The following ZRANB3 variants were observed in gnomAD, a reference collection of about 807,000 sequenced individuals.
The protein encoded by ZRANB3 is DNA annealing helicase and endonuclease ZRANB3.
Under a neutral mutation model 133.8 loss-of-function variants are expected in ZRANB3, and 125 were observed. That is an observed-to-expected ratio of 0.93 (90% confidence interval 0.81 to 1.08). The LOEUF (loss-of-function observed/expected upper bound fraction) is 1.08. Among genes scored for constraint, ZRANB3 ranks in the 50% least tolerant of loss-of-function variants. ZRANB3 has a pLI of 0.00. For missense variants in ZRANB3, 1,229 were observed against 1,275.5 expected, an observed-to-expected ratio of 0.96 and a Z score of 0.56; for synonymous variants, 387 against 432.7, an observed-to-expected ratio of 0.89 and a Z score of 1.31.
At chr2:135,285,597 G>A (rs1021055035) in intron 8 of ZRANB3, among the ~76,000 whole-genome samples, 4 of 152,230 alleles carry the variant, frequency 2.6e-5, no homozygotes, top group Non-Finnish European at 4.4e-5. Flanking sequence ...TGTGCATAAG[G>A]AAAACGTGTT....
intron 1 of ZRANB3, among the ~76,000 whole-genome samples, chr2:135,527,864 A>G (rs1694225511): frequency 6.6e-6 from 1 of 152,264 alleles, no homozygotes; most frequent in Admixed American, 6.5e-5. Flanking sequence ...ATAGAATTGC[A>G]GATGACCTTT....
At chr2:135,482,380 T>G (rs1045469865) in intron 2 of ZRANB3, among the ~76,000 whole-genome samples, 1 of 146,056 alleles carries the variant, frequency 6.8e-6, no homozygotes, top group African/African-American at 2.7e-5. Context: ...TTGAAGCAAT[T>G]GTGAATGGGA....
rs755631064 is a variant in ZRANB3 at position 135,271,733 on chromosome 2, A to G, written c.1206+35T>C. ...TGGCCTTTTTTCTTATTTCAATGACATTTCATAACCAAATTTAGACTTGAA... is the reference window on the plus strand; with the variant it reads ...TGGCCTTTTTTCTTATTTCAATGACGTTTCATAACCAAATTTAGACTTGAA... On this transcript the variant is annotated intron_variant, in intron 10 of 20. Transcript: ENST00000264159. The G allele has an allele frequency of 2.3e-5, 36 of 1,583,652 alleles. No homozygotes were observed. In the South Asian group the frequency reaches 4.1e-4, roughly 18 times the overall value.
At chr2:135,279,428 T>C (rs1680993731) in intron 8 of ZRANB3, among the ~76,000 whole-genome samples, 1 of 152,172 alleles carries the variant, frequency 6.6e-6, no homozygotes, top group Non-Finnish European at 1.5e-5. Flanking sequence ...TAAGGAGCTA[T>C]AAATTCTGGA....
chr2:135,335,153 A>C (rs1029706496), intron 6 of ZRANB3, among the ~76,000 whole-genome samples: 1 of 152,128 alleles, frequency 6.6e-6, no homozygotes, highest in Non-Finnish European at 1.5e-5. Context: ...AATACTTTTA[A>C]TTTGTATTAT....
Position 135,313,609 on chromosome 2 carries a change from T to C in ZRANB3, c.850-4A>G, listed in dbSNP as rs971388864. On this transcript the variant is annotated splice_region_variant and splice_polypyrimidine_tract_variant and intron_variant, in intron 7 of 20. Transcript: ENST00000264159. ...CTTCAAAGCTGGTATTCAATTCCTATGTGGGAAAAAATAACACTGTTTATG... is the reference window on the plus strand; with the variant it reads ...CTTCAAAGCTGGTATTCAATTCCTACGTGGGAAAAAATAACACTGTTTATG... 6 of 1,592,420 alleles carry C rather than the reference T, an allele frequency of 3.8e-6. No homozygotes were observed. Among genetic ancestry groups the C allele is most frequent in the African/African-American group, 1.3e-5 (1 of 74,400 alleles).
At chr2:135,393,983 G>A (rs975663297) in intron 2 of ZRANB3, among the ~76,000 whole-genome samples, 2 of 151,770 alleles carry the variant, frequency 1.3e-5, no homozygotes, top group African/African-American at 4.8e-5. Flanking sequence ...TCAGCCTCTC[G>A]AGTAGCTGGG....
chr2:135,358,620 AATTAAGAAATATGAAGTC>A, intron 3 of ZRANB3, among the ~76,000 whole-genome samples: 1 of 152,216 alleles, frequency 6.6e-6, no homozygotes. Flanking sequence ...ATTAAGTACC[AATTAAGAAATATGAAGTC>A]ATTTTAAAAA....
chr2:135,430,668 C>T (rs934086974), intron 2 of ZRANB3, among the ~76,000 whole-genome samples: 1 of 152,050 alleles, frequency 6.6e-6, no homozygotes, highest in Non-Finnish European at 1.5e-5. Context: ...TCAATACTTA[C>T]TACAGAACTG....
At chr2:135,473,225 A>G (rs1470643371) in intron 2 of ZRANB3, among the ~76,000 whole-genome samples, 10 of 152,178 alleles carry the variant, frequency 6.6e-5, no homozygotes, top group Admixed American at 6.5e-4. Context: ...TATTCTAGGT[A>G]CCTCATGTAA....
intron 6 of ZRANB3, among the ~76,000 whole-genome samples, chr2:135,318,892 G>C (rs184899113): frequency 6.6e-6 from 1 of 152,298 alleles, no homozygotes; most frequent in Admixed American, 6.5e-5. Context: ...CCACTGAGGG[G>C]CAGAAGGAAC....
At chr2:135,453,899 C>G (rs940910498) in intron 2 of ZRANB3, among the ~76,000 whole-genome samples, 2 of 152,172 alleles carry the variant, frequency 1.3e-5, no homozygotes, top group African/African-American at 4.8e-5. Context: ...TCTACTGATA[C>G]CAATTATTGT....
intron 4 of ZRANB3, among the ~76,000 whole-genome samples, chr2:135,352,139 C>T (rs1364923406): frequency 6.6e-6 from 1 of 151,724 alleles, no homozygotes; most frequent in Non-Finnish European, 1.5e-5. Flanking sequence ...TGAGACCAGA[C>T]TGACCAACAT....
chr2:135,305,623 A>G (rs906085401), intron 8 of ZRANB3, among the ~76,000 whole-genome samples: 4 of 152,098 alleles, frequency 2.6e-5, no homozygotes, highest in Non-Finnish European at 5.9e-5. Context: ...TTTCTGTAGT[A>G]GTAACATTTG....
intron 17 of ZRANB3, among the ~76,000 whole-genome samples, chr2:135,215,922 T>C (rs1392674032): frequency 6.6e-6 from 1 of 152,104 alleles, no homozygotes; most frequent in Non-Finnish European, 1.5e-5. Context: ...CTTGAGACAA[T>C]TTAAAATGTC....
At chr2:135,203,483 G>T (rs1490116932) in intron 19 of ZRANB3, among the ~76,000 whole-genome samples, 2 of 152,026 alleles carry the variant, frequency 1.3e-5, no homozygotes, top group Non-Finnish European at 2.9e-5. Flanking sequence ...GCCAGGCACG[G>T]TGGCAGGTGT....
rs1558823201 is a variant in ZRANB3 at position 135,200,459 on chromosome 2, G to T, written c.3142-19C>A. 1 of 1,564,486 alleles carries T rather than the reference G, an allele frequency of 6.4e-7. No individual in the cohort carries two copies. The highest frequency in any genetic ancestry group is 1.8e-5 in the Admixed American group (1 of 54,378). On this transcript the variant is annotated intron_variant, in intron 20 of 20. Coordinates refer to ENST00000264159, the MANE Select transcript of ZRANB3 (RefSeq NM_032143.4). The stretch of plus-strand genomic sequence containing the variant: ...CAGTTCTCTAAAAGTTAAAAAATAT[G>T]CATGTGTACACGTTAGGAAAAAAGC...
intron 3 of ZRANB3, chr2:135,355,303 C>A (rs1383477176): frequency 1.0e-6 from 1 of 982,884 alleles, no homozygotes; most frequent in African/African-American, 1.8e-5. Flanking sequence ...ACTCAAACAT[C>A]ACTGGATTCT....
intron 16 of ZRANB3, 52 bp from the exon 17 acceptor site, chr2:135,217,659 C>G: frequency 6.3e-7 from 1 of 1,578,262 alleles, no homozygotes; most frequent in Non-Finnish European, 8.6e-7. Flanking sequence ...AGATATCTTC[C>G]TTTGAATGTG....
Sources: allele counts gnomAD v4.1 joint callset (sites outside exome capture counted in the v4.1 genomes callset), GRCh38; gene constraint gnomAD v4.1.1; transcripts MANE v1.5; gene names NCBI Gene and HGNC (gene_info 2026-07-23, HGNC 2026-07-21).